Variants in CDS1 observed in about 807,000 individuals in gnomAD.
CDS1 encodes CDP-diacylglycerol synthase 1, also known as phosphatidate cytidylyltransferase 1.
CDS1 carries 41 observed loss-of-function variants against 62.1 expected under a neutral mutation model. That is an observed-to-expected ratio of 0.66 (90% CI 0.51 to 0.86). The LOEUF (loss-of-function observed/expected upper bound fraction) is 0.86. CDS1 is among the 40% of genes least tolerant of loss of function. The pLI is 0.00. For synonymous variants in CDS1, 185 were observed against 192.6 expected, an observed-to-expected ratio of 0.96 and a Z score of 0.32; for missense variants, 470 against 550.1, an observed-to-expected ratio of 0.85 and a Z score of 1.46.
chr4:84,589,756 A>G (rs1560462251), intron 1 of CDS1, among the ~76,000 whole-genome samples: 1 of 152,078 alleles, frequency 6.6e-6, no homozygotes, highest in Non-Finnish European at 1.5e-5. Flanking sequence ...TCAGAGGGGG[A>G]GAGGCAAGTT....
chr4:84,625,075 G>T (rs1426954557), intron 5 of CDS1, among the ~76,000 whole-genome samples: 3 of 152,050 alleles, frequency 2.0e-5, no homozygotes. Context: ...TGCTCAGGCT[G>T]GTGTCTAACT....
At chr4:84,587,794 G>C (rs976576787) in intron 1 of CDS1, among the ~76,000 whole-genome samples, 1 of 152,164 alleles carries the variant, frequency 6.6e-6, no homozygotes, top group South Asian at 2.1e-4. Context: ...AGGCTCAGAA[G>C]CTTATATACC....
chr4:84,593,336 CTTT>C (rs1722648906), intron 1 of CDS1, among the ~76,000 whole-genome samples: 1 of 152,106 alleles, frequency 6.6e-6, no homozygotes, highest in Non-Finnish European at 1.5e-5. Flanking sequence ...GGTATTCCTT[CTTT>C]GTCTTGATAG....
intron 8 of CDS1, among the ~76,000 whole-genome samples, chr4:84,636,742 C>T (rs1724224478): frequency 6.6e-6 from 1 of 152,110 alleles, no homozygotes; most frequent in Admixed American, 6.5e-5. Flanking sequence ...CCAGGCTGGT[C>T]TAGAACTCCT....
At chr4:84,611,837 T>C (rs1243910761) in intron 3 of CDS1, among the ~76,000 whole-genome samples, 1 of 152,138 alleles carries the variant, frequency 6.6e-6, no homozygotes, top group Non-Finnish European at 1.5e-5. Context: ...CTGCATTTGA[T>C]TCCAGGAAGA....
intron 1 of CDS1, among the ~76,000 whole-genome samples, chr4:84,587,426 C>T (rs1722452381): frequency 6.6e-6 from 1 of 152,078 alleles, no homozygotes; most frequent in South Asian, 2.1e-4. Flanking sequence ...GGAATATCCC[C>T]ATTTAATAGC....
At chr4:84,618,034 G>A (rs1344502774) in intron 4 of CDS1, among the ~76,000 whole-genome samples, 4 of 151,676 alleles carry the variant, frequency 2.6e-5, no homozygotes, top group Admixed American at 2.6e-4. Flanking sequence ...CCTCTCAGTT[G>A]ACATGATAAC....
Position 84,604,541 on chromosome 4 carries a change from C to T in CDS1, c.245+171C>T, listed in dbSNP as rs1425564584. 2.0e-5 allele frequency among the ~76,000 whole-genome samples: 3 copies of T among 152,028 alleles called. No individual in the cohort carries two copies. In the South Asian group the frequency reaches 6.2e-4, roughly 32 times the overall value. The stretch of plus-strand genomic sequence containing the variant: ...TTCTATGTATTTAATGTGTATCCAC[C>T]CTTAAAACCTTGTGAAGTATAAGAA... On this transcript the variant is annotated intron_variant, in intron 2 of 12. Coordinates refer to ENST00000295887, the MANE Select transcript of CDS1 (RefSeq NM_001263.4).
At chr4:84,589,850 G>C (rs541383346) in intron 1 of CDS1, among the ~76,000 whole-genome samples, 3 of 152,020 alleles carry the variant, frequency 2.0e-5, no homozygotes, top group African/African-American at 4.8e-5. Context: ...TCACTCTGTT[G>C]CCCAGGCTGG....
intron 7 of CDS1, 30 bp from the exon 8 acceptor site, chr4:84,635,231 TCTG>T (rs1560481211): frequency 2.5e-6 from 3 of 1,183,904 alleles, no homozygotes; most frequent in Non-Finnish European, 3.6e-6. Context: ...TGAACTTTTT[TCTG>T]CTGACTTTTT....
intron 5 of CDS1, among the ~76,000 whole-genome samples, chr4:84,620,718 A>G (rs1305901528): frequency 6.6e-6 from 1 of 152,154 alleles, no homozygotes; most frequent in East Asian, 1.9e-4. Flanking sequence ...TTTAAAAGCC[A>G]GATTGCTCAT....
chr4:84,638,155 C>CT (rs1447857820), intron 8 of CDS1, among the ~76,000 whole-genome samples: 1 of 152,204 alleles, frequency 6.6e-6, no homozygotes, highest in Non-Finnish European at 1.5e-5. Flanking sequence ...ACAACTTTCA[C>CT]TTTTTGCTCC....
intron 5 of CDS1, among the ~76,000 whole-genome samples, chr4:84,622,170 T>C (rs904108249): frequency 6.6e-6 from 1 of 152,196 alleles, no homozygotes; most frequent in Non-Finnish European, 1.5e-5. Flanking sequence ...TCAGTTTATA[T>C]TTAAGGTAAC....
Position 84,643,073 on chromosome 4 carries a change from C to G in CDS1, c.1082C>G (p.Thr361Ser). The change falls in exon 11 of 13, where the codon ACC (threonine) becomes AGC (serine). Residue 361 changes from threonine to serine, a missense_variant. Physicochemically the swap from Thr to Ser is moderately conservative, Grantham distance 58. This residue lies in a region of CDS1 where 214 missense variants were observed against 242.4 expected (regional missense o/e 0.88). Transcript: ENST00000295887. ...CAGATCCACAGCATTGCACTGTCAACCTTTGCATCTTTAATTGGCCCATTT... is the reference window on the plus strand; with the variant it reads ...CAGATCCACAGCATTGCACTGTCAAGCTTTGCATCTTTAATTGGCCCATTT... ...PFQIHSIALS[T>S]FASLIGPFGG... 6.2e-7 allele frequency: 1 copy of G among 1,613,040 alleles called. No homozygotes were observed. The highest frequency in any genetic ancestry group is 8.5e-7 in the Non-Finnish European group (1 of 1,179,368).
At chr4:84,597,901 CA>C (rs1387538868) in intron 1 of CDS1, among the ~76,000 whole-genome samples, 1 of 151,914 alleles carries the variant, frequency 6.6e-6, no homozygotes, top group African/African-American at 2.4e-5. Context: ...CCGAGGTGGG[CA>C]GATCACGAGG....
At chr4:84,637,758 A>G (rs1052180044) in intron 8 of CDS1, among the ~76,000 whole-genome samples, 5 of 152,344 alleles carry the variant, frequency 3.3e-5, no homozygotes, top group African/African-American at 9.6e-5. Context: ...ATATACTTAG[A>G]TAATTGAACA....
intron 3 of CDS1, among the ~76,000 whole-genome samples, chr4:84,613,692 T>C (rs1178737079): frequency 6.6e-6 from 1 of 152,198 alleles, no homozygotes; most frequent in African/African-American, 2.4e-5. Context: ...TAAAAGGCCT[T>C]CTATTTGTAG....
intron 5 of CDS1, among the ~76,000 whole-genome samples, chr4:84,626,089 C>T (rs1279821586): frequency 6.6e-6 from 1 of 152,046 alleles, no homozygotes; most frequent in African/African-American, 2.4e-5. Context: ...ATCCCTTGAA[C>T]CCAGGAGGTG....
rs538979399 is a variant in CDS1, at chr4:84,636,687, G to T, written c.810+1336G>T. Among the ~76,000 whole-genome samples, 239 of 152,192 alleles carry T rather than the reference G, an allele frequency of 1.6e-3. No homozygotes were observed. In the Middle Eastern group the frequency reaches 0.017, roughly 11 times the overall value. On this transcript the variant is annotated intron_variant, in intron 8 of 12. Transcript: ENST00000295887. ...TTACAGGCGGCTGCCACCATGCCTG[G>T]TTAATTTTAGTATTTTTAGTAGAGA... is the stretch of plus-strand genomic sequence containing the variant.
Sources: gnomAD v4.1 joint callset for allele counts (sites outside exome capture counted in the v4.1 genomes callset) on GRCh38, gnomAD v4.1.1 for gene constraint, gnomAD v4.1.1 regional missense constraint, MANE v1.5 for transcripts, NCBI Gene and HGNC (gene_info 2026-07-23, HGNC 2026-07-21) for gene names.